Variants in GHR observed in about 807,000 individuals in gnomAD.
The protein encoded by GHR is GH receptor.
A neutral mutation model predicts 67.1 loss-of-function variants in GHR; 35 were observed. The observed-to-expected ratio is 0.52, with a 90% confidence interval of 0.40 to 0.69. GHR has a LOEUF of 0.69. Among genes scored for constraint, GHR ranks in the 30% least tolerant of loss-of-function variants. The pLI, the probability that GHR is intolerant of heterozygous loss-of-function variation, is 0.00. For synonymous variants in GHR, 272 were observed against 269.1 expected (o/e 1.01, Z -0.10); for missense variants, 792 against 764.6 (o/e 1.04, Z -0.42).
chr5:42,489,329 T>A (rs1174198463), intron 1 of GHR, among the ~76,000 whole-genome samples: 1 of 152,226 alleles, frequency 6.6e-6, no homozygotes, highest in Non-Finnish European at 1.5e-5. Flanking sequence ...TATCGTATCC[T>A]AACCATAATA....
chr5:42,535,920 C>T, intron 1 of GHR, among the ~76,000 whole-genome samples: 1 of 151,656 alleles, frequency 6.6e-6, no homozygotes, highest in East Asian at 1.9e-4. Context: ...ATTTTTTTGG[C>T]AGCAATTGTA....
intron 8 of GHR, among the ~76,000 whole-genome samples, chr5:42,716,057 G>A (rs773662611): frequency 9.2e-5 from 14 of 151,896 alleles, no homozygotes; most frequent in South Asian, 2.1e-4. Context: ...AAAAGCACAC[G>A]TCACAAAGTC....
rs74318670 is a variant in GHR at position 42,701,922 on chromosome 5, G to A, written c.618+1920G>A. On this transcript the variant is annotated intron_variant, in intron 6 of 9. Coordinates refer to ENST00000230882, the MANE Select transcript of GHR (RefSeq NM_000163.5). Reference sequence around the variant, plus strand: ...TCCATTCAAAGTACTAGATAGAATCGTGAATTTTTTTAATGATCAAAAATT... The same window carrying A: ...TCCATTCAAAGTACTAGATAGAATCATGAATTTTTTTAATGATCAAAAATT... Among the ~76,000 whole-genome samples, 6,456 of 151,886 alleles carry A rather than the reference G, an allele frequency of 0.043. 190 individuals carry two copies. The highest frequency in any genetic ancestry group is 0.084 in the African/African-American group (3,475 of 41,428).
intron 3 of GHR, chr5:42,659,319 C>T (rs1654149065): frequency 1.3e-5 from 2 of 152,256 alleles, no homozygotes; most frequent in East Asian, 3.9e-4. Context: ...CTGCATACTA[C>T]CCCTACCTAC....
intron 1 of GHR, among the ~76,000 whole-genome samples, chr5:42,523,243 G>A (rs1747553191): frequency 2.0e-5 from 3 of 152,318 alleles, no homozygotes; most frequent in Admixed American, 2.0e-4. Context: ...GTTGCTGATA[G>A]TAGTCAGCAG....
At position 42,644,190 on chromosome 5, in the gene GHR, G is replaced by A. The variant is rs1425156785; in HGVS notation, c.136+15087G>A. Among the ~76,000 whole-genome samples the A allele has an allele frequency of 2.0e-5, 3 of 152,062 alleles. No individual in the cohort carries two copies. In the East Asian group the frequency reaches 5.8e-4, roughly 29 times the overall value. ...TGGACCCACGTTAATCTTACCACAT[G>A]ATATTATATGTCTCCTGATACTTAA... is the stretch of plus-strand genomic sequence containing the variant. On this transcript the variant is annotated intron_variant, in intron 3 of 9. Transcript: ENST00000230882.
At position 42,565,645 on chromosome 5, in the gene GHR, G is replaced by T. The variant is rs1008674325; in HGVS notation, c.-11-219G>T. ...CTCTAGTGTTCATGTTATTTCCTGA[G>T]ACTAGCACTCACGGGAAGTAGAATT... On this transcript the variant is annotated intron_variant, in intron 1 of 9. Transcript: ENST00000230882. 3.0e-6 allele frequency: 3 copies of T among 985,098 alleles called. No homozygotes were observed. In the African/African-American group the frequency reaches 5.2e-5, roughly 17 times the overall value. The allele number at this position is 985,098 out of a possible 1,614,324, so 61.0% of individuals were successfully genotyped here.
chr5:42,650,576 A>ACATATATATATATATATATAT (rs1238563261), intron 3 of GHR, among the ~76,000 whole-genome samples: 5 of 53,396 alleles, frequency 9.4e-5, no homozygotes, highest in African/African-American at 3.9e-4. Context: ...TTTTACAGAT[A>ACATATATATATATATATATAT]ACATATATAT....
At position 42,424,534 on chromosome 5, in the gene GHR, C is replaced by G. The variant is rs1742757716; in HGVS notation, c.-12+579C>G. ...TTTTGCGCGTTTGTGCGGGCCGCAG[C>G]CGCACGTTGGCACCGATGGAACTGG... On this transcript the variant is annotated intron_variant, in intron 1 of 9. Coordinates refer to ENST00000230882, the MANE Select transcript of GHR (RefSeq NM_000163.5). The surrounding 1 kb of genome is among the most constrained non-coding windows in gnomAD (Gnocchi z 4.1). 6.6e-7 allele frequency: 1 copy of G among 1,507,646 alleles called. No individual in the cohort carries two copies. Among genetic ancestry groups the G allele is most frequent in the Non-Finnish European group, 8.9e-7 (1 of 1,121,766 alleles). The allele number at this position is 1,507,646 out of a possible 1,614,324, so 93.4% of individuals were successfully genotyped here.
At chr5:42,465,825 C>T in intron 1 of GHR, 1 of 772,222 alleles carries the variant, frequency 1.3e-6, no homozygotes, top group Non-Finnish European at 2.4e-6. Flanking sequence ...CCACCATGAC[C>T]TTGAATAGGT....
At chr5:42,561,027 T>C (rs1428702970) in intron 1 of GHR, among the ~76,000 whole-genome samples, 1 of 152,220 alleles carries the variant, frequency 6.6e-6, no homozygotes, top group Non-Finnish European at 1.5e-5. Flanking sequence ...TTTTAGGCCC[T>C]TTTATTCGTG....
rs75526764 is a variant in GHR, at chr5:42,494,410, T to C, written c.-12+70455T>C. Among the ~76,000 whole-genome samples, 732 of 152,190 alleles carry C rather than the reference T, an allele frequency of 4.8e-3. 16 individuals are homozygous for C. The East Asian group carries it at 0.05, about 10-fold the overall frequency. ...ATATTCAGAAACCAACTCTCATTAT[T>C]CAAACATGTTGAGGAAAAAATGTCT... On this transcript the variant is annotated intron_variant, in intron 1 of 9. Coordinates refer to ENST00000230882, the MANE Select transcript of GHR (RefSeq NM_000163.5).
intron 2 of GHR, among the ~76,000 whole-genome samples, chr5:42,621,705 T>A (rs1379103224): frequency 6.6e-6 from 1 of 152,214 alleles, no homozygotes; most frequent in Non-Finnish European, 1.5e-5. Flanking sequence ...CTTCCAAGTT[T>A]GTTATCTACT....
intron 6 of GHR, among the ~76,000 whole-genome samples, chr5:42,709,125 G>T (rs1758326086): frequency 6.6e-6 from 1 of 152,060 alleles, no homozygotes; most frequent in South Asian, 2.1e-4. Flanking sequence ...ATATGAATTT[G>T]CTTAGCAGTG....
At chr5:42,711,891 A>G (rs1424830871) in intron 7 of GHR, among the ~76,000 whole-genome samples, 1 of 152,156 alleles carries the variant, frequency 6.6e-6, no homozygotes, top group Non-Finnish European at 1.5e-5. Context: ...GGAATGCCTA[A>G]TAAGTAGTGT....
intron 1 of GHR, among the ~76,000 whole-genome samples, chr5:42,488,272 T>C (rs1220900087): frequency 6.6e-6 from 1 of 152,238 alleles, no homozygotes; most frequent in African/African-American, 2.4e-5. Context: ...TTTGGTAAGG[T>C]AGGAATTTTC....
chr5:42,668,790 C>T (rs549799781), intron 3 of GHR, among the ~76,000 whole-genome samples: 1 of 152,134 alleles, frequency 6.6e-6, no homozygotes, highest in African/African-American at 2.4e-5. Context: ...CAATGCTCCT[C>T]AGCTTATGAG....
At chr5:42,575,687 C>T (rs575671705) in intron 2 of GHR, among the ~76,000 whole-genome samples, 10 of 150,376 alleles carry the variant, frequency 6.7e-5, no homozygotes, top group East Asian at 3.9e-4. Flanking sequence ...CAGAGAGACA[C>T]GGGTCCTGGG....
At chr5:42,690,189 A>G (rs769420139) in intron 4 of GHR, among the ~76,000 whole-genome samples, 18 of 152,220 alleles carry the variant, frequency 1.2e-4, no homozygotes, top group Non-Finnish European at 2.5e-4. Context: ...GACATTGTCT[A>G]TCCAACCGAA....
Sources: allele counts gnomAD v4.1 joint callset (sites outside exome capture counted in the v4.1 genomes callset), GRCh38; gene constraint gnomAD v4.1.1; non-coding constraint Gnocchi (gnomAD v3.1); transcripts MANE v1.5; gene names NCBI Gene and HGNC (gene_info 2026-07-23, HGNC 2026-07-21).